Variants in SLC4A10 observed in about 807,000 individuals in gnomAD.
The protein encoded by SLC4A10 is solute carrier family 4 member 10.
SLC4A10 carries 42 observed loss-of-function variants against 137.7 expected under a neutral mutation model. The ratio of observed to expected loss-of-function variants is 0.30; its 90% CI spans 0.24 to 0.39. SLC4A10 has a LOEUF of 0.39. SLC4A10 is among the 10% of genes least tolerant of loss of function. The pLI is 1.00. For synonymous variants in SLC4A10, 474 were observed against 464.1 expected, an observed-to-expected ratio of 1.02 and a Z score of -0.27; for missense variants, 925 against 1,355.0, an observed-to-expected ratio of 0.68 and a Z score of 4.98.
At chr2:161,744,032 G>A (rs1230020662) in intron 1 of SLC4A10, among the ~76,000 whole-genome samples, 2 of 151,894 alleles carry the variant, frequency 1.3e-5, no homozygotes, top group Admixed American at 6.6e-5. Flanking sequence ...GGCTTTTTTT[G>A]TGGAGTCTTT....
At chr2:161,818,028 T>C (rs1183809823) in intron 3 of SLC4A10, among the ~76,000 whole-genome samples, 3 of 152,152 alleles carry the variant, frequency 2.0e-5, no homozygotes, top group Non-Finnish European at 4.4e-5. Flanking sequence ...AAGTCATTGG[T>C]AGCTTGATGG....
intron 9 of SLC4A10, among the ~76,000 whole-genome samples, chr2:161,880,890 A>C (rs2061722575): frequency 6.6e-6 from 1 of 152,150 alleles, no homozygotes; most frequent in Non-Finnish European, 1.5e-5. Flanking sequence ...AAGGAAAAGA[A>C]AAATTCCCAT....
At chr2:161,859,571 C>CTT (rs1204995058) in intron 5 of SLC4A10, among the ~76,000 whole-genome samples, 9 of 128,584 alleles carry the variant, frequency 7.0e-5, no homozygotes, top group African/African-American at 2.8e-5. Context: ...CCTATTTGTC[C>CTT]TTTTTTTCTT....
intron 4 of SLC4A10, among the ~76,000 whole-genome samples, chr2:161,843,365 A>G (rs1005971390): frequency 6.6e-6 from 1 of 152,182 alleles, no homozygotes; most frequent in Admixed American, 6.6e-5. Context: ...CTGTTGATTT[A>G]TAAAGAATAA....
At chr2:161,905,503 GTCTTGAGT>G in intron 14 of SLC4A10, 131 bp from the exon 15 acceptor site, 1 of 1,238,956 alleles carries the variant, frequency 8.1e-7, no homozygotes. Context: ...GCTTTAGACA[GTCTTGAGT>G]TTAGATACTC....
At chr2:161,968,189 A>T (rs1399643348) in intron 23 of SLC4A10, among the ~76,000 whole-genome samples, 1 of 152,212 alleles carries the variant, frequency 6.6e-6, no homozygotes, top group Non-Finnish European at 1.5e-5. Flanking sequence ...AGGAGAGAAC[A>T]AGTTTAATAA....
At chr2:161,903,955 G>A in intron 12 of SLC4A10, 49 bp from the exon 13 acceptor site, 2 of 1,505,644 alleles carry the variant, frequency 1.3e-6, no homozygotes, top group South Asian at 1.3e-5. Flanking sequence ...TTTGACTTGT[G>A]TGTTTTTTAT....
chr2:161,688,041 A>G lies in SLC4A10; in HGVS notation c.48+63475A>G, dbSNP rs572402665. Among the ~76,000 whole-genome samples the G allele has an allele frequency of 1.1e-3, 171 of 152,356 alleles. 1 individual carries two copies. The highest frequency in any genetic ancestry group is 1.9e-3 in the Non-Finnish European group (132 of 68,028). On this transcript the variant is annotated intron_variant, in intron 1 of 26. Transcript: ENST00000446997. ...TGTTCTGCTTTCTACCAAAGTAATTATTTTTTATTGCTCATACATAAATGA... is the reference window on the plus strand; with the variant it reads ...TGTTCTGCTTTCTACCAAAGTAATTGTTTTTTATTGCTCATACATAAATGA...
intron 10 of SLC4A10, among the ~76,000 whole-genome samples, chr2:161,886,577 T>A (rs2062310901): frequency 1.3e-5 from 2 of 152,218 alleles, no homozygotes; most frequent in Admixed American, 1.3e-4. Flanking sequence ...ACATGTTCAG[T>A]GTGACATTAT....
chr2:161,684,756 G>A (rs907482312), intron 1 of SLC4A10, among the ~76,000 whole-genome samples: 3 of 152,156 alleles, frequency 2.0e-5, no homozygotes, highest in Non-Finnish European at 2.9e-5. Flanking sequence ...CTCTGTGTGT[G>A]TTTTTGTTCT....
chr2:161,627,651 A>G (rs2032692181), intron 1 of SLC4A10, among the ~76,000 whole-genome samples: 1 of 152,062 alleles, frequency 6.6e-6, no homozygotes, highest in South Asian at 2.1e-4. Context: ...CCTTCTTAGG[A>G]AGCTTCAGTG....
chr2:161,785,479 C>T (rs1365827364), intron 2 of SLC4A10, among the ~76,000 whole-genome samples: 1 of 151,544 alleles, frequency 6.6e-6, no homozygotes, highest in Non-Finnish European at 1.5e-5. Flanking sequence ...ACAACAAAAA[C>T]TACCTAGCAA....
intron 4 of SLC4A10, among the ~76,000 whole-genome samples, chr2:161,843,744 A>C (rs1336413035): frequency 6.6e-6 from 1 of 152,140 alleles, no homozygotes; most frequent in Non-Finnish European, 1.5e-5. Flanking sequence ...CACCATTTAA[A>C]GCACTTCTTT....
intron 23 of SLC4A10, among the ~76,000 whole-genome samples, chr2:161,967,044 G>T (rs1697730138): frequency 6.6e-6 from 1 of 152,072 alleles, no homozygotes; most frequent in Non-Finnish European, 1.5e-5. Flanking sequence ...GATAATGTCA[G>T]TACAGCAGAC....
At chr2:161,715,184 A>G (rs2044716427) in intron 1 of SLC4A10, among the ~76,000 whole-genome samples, 1 of 152,142 alleles carries the variant, frequency 6.6e-6, no homozygotes, top group Middle Eastern at 3.4e-3. Flanking sequence ...GTCTAGCTCT[A>G]CAGCTGTTGG....
chr2:161,951,186 GATTCCTCT>G (rs1694741817), intron 19 of SLC4A10, among the ~76,000 whole-genome samples: 1 of 152,132 alleles, frequency 6.6e-6, no homozygotes. Flanking sequence ...TTACATCTGA[GATTCCTCT>G]ATTCCTCTAT....
intron 4 of SLC4A10, among the ~76,000 whole-genome samples, chr2:161,848,739 T>C (rs2059644338): frequency 6.6e-6 from 1 of 152,154 alleles, no homozygotes; most frequent in Non-Finnish European, 1.5e-5. Flanking sequence ...CATTGGTCTA[T>C]GTGTCTGTTT....
chr2:161,797,949 A>G (rs780936846), intron 2 of SLC4A10, among the ~76,000 whole-genome samples: 9 of 152,052 alleles, frequency 5.9e-5, no homozygotes, highest in African/African-American at 2.4e-5. Flanking sequence ...AATGATTATA[A>G]ATACCTTCCC....
At position 161,983,301 on chromosome 2, in the gene SLC4A10, T is replaced by C. The variant is rs1025181866; in HGVS notation, c.*149T>C. 7.2e-5 allele frequency: 105 copies of C among 1,455,558 alleles called. No individual in the cohort carries two copies. The highest frequency in any genetic ancestry group is 9.4e-5 in the Non-Finnish European group (101 of 1,077,312). 90.2% of individuals were successfully genotyped at this position (1,455,558 alleles called of 1,614,324 possible). On this transcript the variant is annotated 3_prime_UTR_variant, in exon 27 of 27. Transcript: ENST00000446997. ...ATGAGAAGAGTGTCACAATTATTAA[T>C]AAAACTGCTTTGATCATGTATTGTA...
Sources: gnomAD v4.1 joint callset for allele counts (sites outside exome capture counted in the v4.1 genomes callset) on GRCh38, gnomAD v4.1.1 for gene constraint, MANE v1.5 for transcripts, NCBI Gene and HGNC (gene_info 2026-07-23, HGNC 2026-07-21) for gene names.